The following DOT1L variants were observed in gnomAD, a reference collection of about 807,000 sequenced individuals.
DOT1L encodes the protein DOT1 like histone lysine methyltransferase, also known as histone-lysine N-methyltransferase, H3 lysine-79 specific.
A neutral mutation model predicts 153.3 loss-of-function variants in DOT1L; 33 were observed. The observed-to-expected ratio is 0.22, with a 90% CI of 0.16 to 0.29. DOT1L has a LOEUF of 0.29. Among genes scored for constraint, DOT1L ranks in the 10% least tolerant of loss-of-function variants. The pLI is 1.00. For synonymous variants in DOT1L, 1,135 were observed against 965.1 expected, an observed-to-expected ratio of 1.18 and a Z score of -3.26; for missense variants, 1,847 against 2,119.9, an observed-to-expected ratio of 0.87 and a Z score of 2.53.
At chr19:2,227,515 C>T (rs773227779) in intron 27 of DOT1L, 2 of 529,160 alleles carry the variant, frequency 3.8e-6, no homozygotes, top group South Asian at 3.2e-5. Context: ...CGGAGAGGAG[C>T]CGCCGGGGGG....
chr19:2,194,640 T>C, intron 7 of DOT1L, 63 bp downstream of exon 7: 1 of 1,239,978 alleles, frequency 8.1e-7, no homozygotes, highest in Non-Finnish European at 1.1e-6. Flanking sequence ...CACCCTCCTG[T>C]CAGCCCCTCC....
rs1322230270 is a variant in DOT1L at position 2,213,846 on chromosome 19, C to T, written c.1660-3C>T. The T allele has an allele frequency of 6.2e-7, 1 of 1,613,014 alleles. No individual in the cohort carries two copies. The highest frequency in any genetic ancestry group is 8.5e-7 in the Non-Finnish European group (1 of 1,180,024). On this transcript the variant is annotated splice_polypyrimidine_tract_variant and splice_region_variant and intron_variant, in intron 17 of 27. Coordinates refer to ENST00000398665, the MANE Select transcript of DOT1L (RefSeq NM_032482.3). ...TGACCTCTCCCCCGCCCCATGTCCCCAGCTGGGTGTGAAGGCGCTGACCTA... is the reference window on the plus strand; with the variant it reads ...TGACCTCTCCCCCGCCCCATGTCCCTAGCTGGGTGTGAAGGCGCTGACCTA...
At chr19:2,167,966 C>A (rs1215805811) in intron 1 of DOT1L, among the ~76,000 whole-genome samples, 4 of 152,158 alleles carry the variant, frequency 2.6e-5, no homozygotes, top group African/African-American at 4.8e-5. Flanking sequence ...AACTCCTGAC[C>A]TCAGGTGATC....
Position 2,225,361 on chromosome 19 carries a change from G to A in DOT1L, c.3597-27G>A, listed in dbSNP as rs756896965. 2.2e-5 allele frequency: 35 copies of A among 1,606,836 alleles called. No individual in the cohort carries two copies. In the South Asian group the frequency reaches 3.6e-4, roughly 17 times the overall value. On this transcript the variant is annotated intron_variant, in intron 25 of 27. Transcript: ENST00000398665. Reference sequence around the variant, plus strand: ...TTCTTAGTATGCAGCTGGGTTTCAAGCATTAATGACCTTTTTTTCTTAACA... The same window carrying A: ...TTCTTAGTATGCAGCTGGGTTTCAAACATTAATGACCTTTTTTTCTTAACA...
intron 1 of DOT1L, 48 bp from the exon 2 acceptor site, chr19:2,180,665 A>C (rs1182127009): frequency 6.2e-7 from 1 of 1,610,560 alleles, no homozygotes; most frequent in African/African-American, 1.3e-5. Flanking sequence ...CGATGGGCTC[A>C]CGGGGTGGAG....
At chr19:2,170,488 A>G (rs1246760481) in intron 1 of DOT1L, among the ~76,000 whole-genome samples, 1 of 152,108 alleles carries the variant, frequency 6.6e-6, no homozygotes, top group Non-Finnish European at 1.5e-5. Context: ...GGAACCAGAT[A>G]CGGGTACCCG....
intron 1 of DOT1L, among the ~76,000 whole-genome samples, chr19:2,173,099 C>T (rs571424197): frequency 1.8e-4 from 27 of 152,268 alleles, no homozygotes; most frequent in South Asian, 2.1e-4. Flanking sequence ...CAAAAGGAAA[C>T]GCTGCCGCCT....
chr19:2,178,368 GAAAAA>G (rs367964093), intron 1 of DOT1L, among the ~76,000 whole-genome samples: 1 of 85,830 alleles, frequency 1.2e-5, no homozygotes, highest in Non-Finnish European at 2.5e-5. Flanking sequence ...GTCTCTACCA[GAAAAA>G]AAAAAAAAAC....
chr19:2,227,585 C>G, intron 27 of DOT1L: 1 of 905,976 alleles, frequency 1.1e-6, no homozygotes. Context: ...GGCGGGCCAC[C>G]ACGAGCCTGG....
At chr19:2,211,685 G>A in intron 15 of DOT1L, 66 bp from the exon 16 acceptor site, 5 of 1,406,020 alleles carry the variant, frequency 3.6e-6, no homozygotes, top group Non-Finnish European at 3.9e-6. Flanking sequence ...CTCAAGGGCT[G>A]CTCCCACCTC....
At position 2,190,402 on chromosome 19, in the gene DOT1L, G is replaced by T. The variant is rs1262843168; in HGVS notation, c.264+607G>T. On this transcript the variant is annotated intron_variant, in intron 4 of 27. Transcript: ENST00000398665. The surrounding 1 kb of genome is among the most constrained non-coding windows in gnomAD (Gnocchi z 4.8). The stretch of plus-strand genomic sequence containing the variant: ...TGTGGAGGGAGCCCTGGTGGGGGTG[G>T]CATGGGCTCACTTGGCCCTCCTGAG... Among the ~76,000 whole-genome samples the T allele has an allele frequency of 6.6e-6, 1 of 152,050 alleles. No individual in the cohort carries two copies. Among genetic ancestry groups the T allele is most frequent in the African/African-American group, 2.4e-5 (1 of 41,384 alleles).
chr19:2,187,987 G>GAAGGGAAGTGAAAAGACA (rs1568338057), intron 3 of DOT1L, among the ~76,000 whole-genome samples: 1 of 151,760 alleles, frequency 6.6e-6, no homozygotes, highest in African/African-American at 2.4e-5. Flanking sequence ...TGGAGCTGCG[G>GAAGGGAAGTGAAAAGACA]GGAAGGCGGG....
chr19:2,230,779 A>G lies in DOT1L; in HGVS notation c.*987A>G, dbSNP rs777573434. 7.7e-6 allele frequency: 3 copies of G among 392,082 alleles called. No individual in the cohort carries two copies. The highest frequency in any genetic ancestry group is 1.3e-5 in the Non-Finnish European group (3 of 222,510). 24.3% of individuals were successfully genotyped at this position (392,082 alleles called of 1,614,324 possible). A position where few individuals can be genotyped will look rare whatever the true frequency, so the allele number is the denominator to read the frequency against. ...ACCTTATTTATTCAAACAGTGCACA[A>G]AATGGCCCCAGCGTCAGCCCCGACC... On this transcript the variant is annotated 3_prime_UTR_variant, in exon 28 of 28. Coordinates refer to ENST00000398665, the MANE Select transcript of DOT1L (RefSeq NM_032482.3).
At chr19:2,199,314 C>T (rs141910897) in intron 7 of DOT1L, among the ~76,000 whole-genome samples, 20 of 152,322 alleles carry the variant, frequency 1.3e-4, no homozygotes, top group South Asian at 8.3e-4. Flanking sequence ...CAGGGACTGG[C>T]GGCTCAGCTT....
Position 2,229,886 on chromosome 19 carries a change from C to T in DOT1L, c.*94C>T. 6.2e-7 allele frequency: 1 copy of T among 1,608,160 alleles called. No homozygotes were observed. The highest frequency in any genetic ancestry group is 8.5e-7 in the Non-Finnish European group (1 of 1,178,154). ...CCGCCGGCCTGCCGGGCTCCCACCC[C>T]TGGACGGCAGAGGCAAGGACGGACG... On this transcript the variant is annotated 3_prime_UTR_variant, in exon 28 of 28. Coordinates refer to ENST00000398665, the MANE Select transcript of DOT1L (RefSeq NM_032482.3).
chr19:2,228,837 T>C (rs2024480588), intron 27 of DOT1L: 2 of 985,178 alleles, frequency 2.0e-6, no homozygotes, highest in Non-Finnish European at 2.4e-6. Flanking sequence ...GCAGAGGTCC[T>C]GGAGAGCCAG....
chr19:2,165,642 T>A (rs2144630824), intron 1 of DOT1L, among the ~76,000 whole-genome samples: 1 of 152,336 alleles, frequency 6.6e-6, no homozygotes, highest in East Asian at 1.9e-4. Context: ...CCTCCACTTC[T>A]CTCTGTTGGG....
At chr19:2,179,942 C>G (rs1319258831) in intron 1 of DOT1L, among the ~76,000 whole-genome samples, 1 of 152,062 alleles carries the variant, frequency 6.6e-6, no homozygotes. Context: ...TGCACGTGTC[C>G]TGGTGGCGTG....
chr19:2,229,314 C>T (rs2024500922), intron 27 of DOT1L: 23 of 985,360 alleles, frequency 2.3e-5, no homozygotes, highest in Non-Finnish European at 2.8e-5. Flanking sequence ...CCTCTGCTTG[C>T]CCCTGGCCTT....
Sources: allele counts gnomAD v4.1 joint callset (sites outside exome capture counted in the v4.1 genomes callset), GRCh38; gene constraint gnomAD v4.1.1; non-coding constraint Gnocchi (gnomAD v3.1); transcripts MANE v1.5; gene names NCBI Gene and HGNC (gene_info 2026-07-23, HGNC 2026-07-21).